Variants in PHF20 observed in about 807,000 individuals in gnomAD.
The protein encoded by PHF20 is glioma-expressed antigen 2.
In PHF20, 23 loss-of-function variants were observed where a neutral mutation model predicts 113.5. The ratio of observed to expected loss-of-function variants is 0.20; its 90% CI spans 0.15 to 0.29. The LOEUF is 0.29. Among genes scored for constraint, PHF20 ranks in the 10% least tolerant of loss-of-function variants. The probability of loss-of-function intolerance (pLI) is 1.00; values close to 1 mark genes in which losing one functional copy is unlikely to be tolerated. For missense variants in PHF20, 943 were observed against 1,219.6 expected (o/e 0.77, Z 3.38); for synonymous variants, 434 against 457.3 (o/e 0.95, Z 0.65).
intron 1 of PHF20, among the ~76,000 whole-genome samples, chr20:35,777,393 T>C (rs991816100): frequency 2.6e-5 from 4 of 152,226 alleles, no homozygotes; most frequent in African/African-American, 9.6e-5. Context: ...ATGTTTTTAG[T>C]CCCCTTCCCC....
At position 35,795,841 on chromosome 20, in the gene PHF20, G is replaced by A. The variant is rs546116726; in HGVS notation, c.-32-5650G>A. 2.6e-5 allele frequency among the ~76,000 whole-genome samples: 4 copies of A among 152,096 alleles called. No homozygotes were observed. In the East Asian group the frequency reaches 7.7e-4, roughly 29 times the overall value. ...GTAAGGATTAAATTGGTTAATATAT[G>A]TAAGTTTAATTATTATAAATTTTTT... On this transcript the variant is annotated intron_variant, in intron 1 of 17. Transcript: ENST00000374012.
chr20:35,838,573 T>C (rs954241998), intron 2 of PHF20: 1 of 152,158 alleles, frequency 6.6e-6, no homozygotes, highest in African/African-American at 2.4e-5. Context: ...AAAAATAAAG[T>C]AAAATCAATA....
At chr20:35,808,515 T>G (rs1380251196) in intron 2 of PHF20, among the ~76,000 whole-genome samples, 6 of 152,114 alleles carry the variant, frequency 3.9e-5, no homozygotes, top group Admixed American at 3.9e-4. Flanking sequence ...TTAATGCTTT[T>G]GGGCATCTAA....
chr20:35,848,886 T>C (rs2042669540), intron 4 of PHF20, among the ~76,000 whole-genome samples: 1 of 150,948 alleles, frequency 6.6e-6, no homozygotes, highest in Non-Finnish European at 1.5e-5. Flanking sequence ...GTCTTTTCAG[T>C]TGTGCTTCCT....
intron 2 of PHF20, among the ~76,000 whole-genome samples, chr20:35,815,703 GT>G (rs2042061290): frequency 6.6e-6 from 1 of 151,890 alleles, no homozygotes; most frequent in Admixed American, 6.6e-5. Flanking sequence ...CTGACCTCGT[GT>G]TCCACCCGCC....
At chr20:35,920,606 C>T (rs1036407476) in intron 13 of PHF20, among the ~76,000 whole-genome samples, 2 of 152,170 alleles carry the variant, frequency 1.3e-5, no homozygotes, top group African/African-American at 4.8e-5. Context: ...TTTCCCTATG[C>T]GGCCTTAGCT....
intron 2 of PHF20, among the ~76,000 whole-genome samples, chr20:35,803,786 GT>G (rs980293432): frequency 2.7e-5 from 4 of 149,386 alleles, no homozygotes; most frequent in Non-Finnish European, 4.4e-5. Flanking sequence ...CATACAACTT[GT>G]TTTTTTTCTG....
chr20:35,803,704 G>GTATA (rs59158403), intron 2 of PHF20, among the ~76,000 whole-genome samples: 9 of 149,784 alleles, frequency 6.0e-5, no homozygotes, highest in African/African-American at 2.2e-4. Context: ...GTGTGTGTGT[G>GTATA]TATATATATA....
chr20:35,940,896 A>G lies in PHF20; in HGVS notation c.2745A>G (p.Pro915=), dbSNP rs1369355998. 2.5e-6 allele frequency: 4 copies of G among 1,613,808 alleles called. No homozygotes were observed. Among genetic ancestry groups the G allele is most frequent in the South Asian group, 1.1e-5 (1 of 91,074 alleles). Residue 915 remains proline, a synonymous_variant, in exon 17 of 18, where the codon CCA becomes CCG. Coordinates refer to ENST00000374012, the MANE Select transcript of PHF20 (RefSeq NM_016436.5). ...VKEYVSKKAL[P]EEAPARKLLD... is the part of the protein sequence containing the mutation. Reference sequence around the variant, plus strand: ...AATATGTCTCCAAAAAGGCCCTACCAGAAGAAGCCCCTGCTCGGAAGCTGC... The same window carrying G: ...AATATGTCTCCAAAAAGGCCCTACCGGAAGAAGCCCCTGCTCGGAAGCTGC...
chr20:35,780,537 C>CT (rs974625400), intron 1 of PHF20, among the ~76,000 whole-genome samples: 1 of 116,154 alleles, frequency 8.6e-6, no homozygotes, highest in Non-Finnish European at 1.7e-5. Context: ...ATTCTTTTTT[C>CT]TTTTTTTTCT....
At position 35,916,338 on chromosome 20, in the gene PHF20, T is replaced by C. The variant is rs541160079; in HGVS notation, c.1826-1146T>C. On this transcript the variant is annotated intron_variant, in intron 12 of 17. Coordinates refer to ENST00000374012, the MANE Select transcript of PHF20 (RefSeq NM_016436.5). ...AATAGTTATGCCTGACTTAGAACAG[T>C]ATCTGCTTCAGAACAAGCGCTTAGT... 9.2e-5 allele frequency among the ~76,000 whole-genome samples: 14 copies of C among 152,374 alleles called. No homozygotes were observed. In the South Asian group the frequency reaches 2.9e-3, roughly 32 times the overall value.
At chr20:35,875,402 A>T (rs1465320977) in intron 9 of PHF20, among the ~76,000 whole-genome samples, 1 of 138,690 alleles carries the variant, frequency 7.2e-6, no homozygotes, top group Non-Finnish European at 1.5e-5. Flanking sequence ...CATCTCAAAA[A>T]AGAAAAAAAA....
chr20:35,819,687 A>G (rs1249259542), intron 2 of PHF20, among the ~76,000 whole-genome samples: 1 of 151,038 alleles, frequency 6.6e-6, no homozygotes. Context: ...TTTTTAAGCA[A>G]TCTTTTCTGA....
intron 9 of PHF20, among the ~76,000 whole-genome samples, chr20:35,886,410 G>A (rs991268055): frequency 3.3e-5 from 5 of 152,130 alleles, no homozygotes; most frequent in African/African-American, 1.2e-4. Context: ...ACAGGTGTGA[G>A]CCACTGTGCC....
intron 9 of PHF20, among the ~76,000 whole-genome samples, chr20:35,874,848 G>C (rs563044880): frequency 2.0e-5 from 3 of 151,970 alleles, no homozygotes; most frequent in South Asian, 4.2e-4. Context: ...CACTCTGGGA[G>C]GTTGAGACTG....
At chr20:35,899,165 A>G (rs1408523681) in intron 9 of PHF20, among the ~76,000 whole-genome samples, 1 of 152,092 alleles carries the variant, frequency 6.6e-6, no homozygotes, top group Non-Finnish European at 1.5e-5. Flanking sequence ...TCTTCTTCCT[A>G]AAGATGAATC....
chr20:35,879,163 T>C (rs1347193433), intron 9 of PHF20, among the ~76,000 whole-genome samples: 2 of 152,208 alleles, frequency 1.3e-5, no homozygotes, highest in Non-Finnish European at 2.9e-5. Flanking sequence ...TTTTGTGGAC[T>C]GGCTGGCTCT....
intron 2 of PHF20, among the ~76,000 whole-genome samples, chr20:35,834,572 C>G (rs1177564005): frequency 1.3e-5 from 2 of 151,964 alleles, no homozygotes; most frequent in Non-Finnish European, 2.9e-5. Context: ...TTTTTCTCTC[C>G]TTTCTTCCTG....
intron 5 of PHF20, 100 bp from the exon 6 acceptor site, chr20:35,862,912 GT>G (rs1422261796): frequency 3.3e-6 from 4 of 1,217,858 alleles, no homozygotes; most frequent in Non-Finnish European, 4.6e-6. Context: ...CGTATGTCTT[GT>G]TTTAATTTCT....
Sources: allele counts gnomAD v4.1 joint callset (sites outside exome capture counted in the v4.1 genomes callset), GRCh38; gene constraint gnomAD v4.1.1; transcripts MANE v1.5; gene names NCBI Gene and HGNC (gene_info 2026-07-23, HGNC 2026-07-21).